SLC41A2: variants seen among roughly 807,000 people sequenced by gnomAD.
The protein encoded by SLC41A2 is solute carrier family 41 member 2.
SLC41A2 carries 32 observed loss-of-function variants against 58.3 expected under a neutral mutation model. The ratio of observed to expected loss-of-function variants is 0.55; its 90% CI spans 0.41 to 0.74. The LOEUF (loss-of-function observed/expected upper bound fraction) is 0.74, where lower values mean the gene tolerates loss of function less well. Among genes scored for constraint, SLC41A2 ranks in the 30% least tolerant of loss-of-function variants. The probability of loss-of-function intolerance (pLI) is 0.00; values close to 1 mark genes in which losing one functional copy is unlikely to be tolerated. For missense variants in SLC41A2, 514 were observed against 680.6 expected (o/e 0.76, Z 2.72); for synonymous variants, 190 against 235.0 (o/e 0.81, Z 1.75).
chr12:104,946,306 C>G (rs1003908880), intron 1 of SLC41A2, among the ~76,000 whole-genome samples: 5 of 152,104 alleles, frequency 3.3e-5, no homozygotes, highest in African/African-American at 1.2e-4. Context: ...ACTCTATTGC[C>G]CAGGAGGAAC....
intron 9 of SLC41A2, 62 bp from the exon 10 acceptor site, chr12:104,844,682 A>G: frequency 1.1e-6 from 1 of 878,788 alleles, no homozygotes; most frequent in Non-Finnish European, 1.6e-6. Context: ...AATAGGTCAT[A>G]GTTATTAAAA....
intron 1 of SLC41A2, among the ~76,000 whole-genome samples, chr12:104,942,596 A>G (rs2047555541): frequency 6.6e-6 from 1 of 152,194 alleles, no homozygotes; most frequent in East Asian, 1.9e-4. Flanking sequence ...TTATTTAGAA[A>G]TTACAGCTAT....
intron 1 of SLC41A2, among the ~76,000 whole-genome samples, chr12:104,936,549 C>T (rs1227743526): frequency 3.3e-5 from 5 of 152,160 alleles, no homozygotes; most frequent in Non-Finnish European, 5.9e-5. Flanking sequence ...TCACATCTTA[C>T]GTAGATGGTG....
intron 10 of SLC41A2, among the ~76,000 whole-genome samples, chr12:104,835,266 C>T (rs891646908): frequency 6.6e-6 from 1 of 152,190 alleles, no homozygotes; most frequent in African/African-American, 2.4e-5. Flanking sequence ...AATTATCTCA[C>T]ACTGCATCAG....
chr12:104,942,105 T>TC (rs2047532302), intron 1 of SLC41A2, among the ~76,000 whole-genome samples: 1 of 152,130 alleles, frequency 6.6e-6, no homozygotes, highest in South Asian at 2.1e-4. Flanking sequence ...GGTATATTTA[T>TC]TCCCCCTACT....
rs1223967335 is a variant in SLC41A2 at position 104,802,651 on chromosome 12, C to A, written c.*2501G>T. ...AGATTTTACAAATTAAGGCATTGTT[C>A]TTTATTTCAAAATTTTCATTTACCT... On this transcript the variant is annotated 3_prime_UTR_variant, in exon 11 of 11. Coordinates refer to ENST00000258538, the MANE Select transcript of SLC41A2 (RefSeq NM_001352171.3). The A allele has an allele frequency of 6.6e-6, 1 of 152,034 alleles. No individual in the cohort carries two copies. The highest frequency in any genetic ancestry group is 1.5e-5 in the Non-Finnish European group (1 of 67,978). 9.4% of individuals were successfully genotyped at this position (152,034 alleles called of 1,614,324 possible). A position where few individuals can be genotyped will look rare whatever the true frequency, so the allele number is the denominator to read the frequency against.
chr12:104,857,940 T>C (rs1235322243), intron 8 of SLC41A2, among the ~76,000 whole-genome samples: 1 of 151,976 alleles, frequency 6.6e-6, no homozygotes, highest in Non-Finnish European at 1.5e-5. Context: ...ATATGGCGCA[T>C]GTATACATAT....
At chr12:104,818,303 AAG>A (rs1318124567) in intron 10 of SLC41A2, among the ~76,000 whole-genome samples, 1 of 152,186 alleles carries the variant, frequency 6.6e-6, no homozygotes, top group Non-Finnish European at 1.5e-5. Flanking sequence ...TTTAAAGAAA[AAG>A]AAGAAATGAA....
Position 104,803,809 on chromosome 12 carries a change from T to C in SLC41A2, c.*1343A>G, listed in dbSNP as rs2136172151. On this transcript the variant is annotated 3_prime_UTR_variant, in exon 11 of 11. Coordinates refer to ENST00000258538, the MANE Select transcript of SLC41A2 (RefSeq NM_001352171.3). Reference sequence around the variant, plus strand: ...AAATAAGCCTGTACAAATGGATATGTTTAAGCATGAACAATAATTGAGGTA... The same window carrying C: ...AAATAAGCCTGTACAAATGGATATGCTTAAGCATGAACAATAATTGAGGTA... 6.6e-6 allele frequency: 1 copy of C among 152,254 alleles called. No homozygotes were observed. The highest frequency in any genetic ancestry group is 2.4e-5 in the African/African-American group (1 of 41,566). 9.4% of individuals were successfully genotyped at this position (152,254 alleles called of 1,614,324 possible). A position where few individuals can be genotyped will look rare whatever the true frequency, so the allele number is the denominator to read the frequency against.
At chr12:104,861,790 T>G (rs924132206) in intron 7 of SLC41A2, among the ~76,000 whole-genome samples, 4 of 152,178 alleles carry the variant, frequency 2.6e-5, no homozygotes, top group African/African-American at 9.7e-5. Flanking sequence ...TAAAAAATAA[T>G]TTAAAAAAGA....
intron 2 of SLC41A2, among the ~76,000 whole-genome samples, chr12:104,921,279 A>G (rs1041214321): frequency 6.6e-6 from 1 of 152,130 alleles, no homozygotes; most frequent in African/African-American, 2.4e-5. Flanking sequence ...CAGATACAAT[A>G]AGGTCAGAGA....
At chr12:104,957,111 A>G (rs2136004781) in intron 1 of SLC41A2, among the ~76,000 whole-genome samples, 1 of 152,346 alleles carries the variant, frequency 6.6e-6, no homozygotes, top group Admixed American at 6.5e-5. Flanking sequence ...ATTACACACA[A>G]TGGCCAAAAA....
intron 3 of SLC41A2, 146 bp downstream of exon 3, chr12:104,909,509 G>T (rs1482865996): frequency 1.7e-6 from 1 of 574,632 alleles, no homozygotes. Context: ...CAATATTTCA[G>T]AATATGATAT....
intron 2 of SLC41A2, among the ~76,000 whole-genome samples, chr12:104,926,526 T>G (rs2046846728): frequency 6.6e-6 from 1 of 151,696 alleles, no homozygotes; most frequent in South Asian, 2.1e-4. Flanking sequence ...AGGTGGAGAT[T>G]GCAGTGAGCC....
In SLC41A2 at chr12:104,866,108, T is replaced by C. The variant is rs529756477; in HGVS notation, c.1175+324A>G. 2.0e-5 allele frequency among the ~76,000 whole-genome samples: 3 copies of C among 152,196 alleles called. No individual in the cohort carries two copies. In the East Asian group the frequency reaches 5.8e-4, roughly 29 times the overall value. On this transcript the variant is annotated intron_variant, in intron 7 of 10. Transcript: ENST00000258538. The stretch of plus-strand genomic sequence containing the variant: ...AAGTAATGTCCTTGTCAGGTTAACA[T>C]ACACATACACACACAAAGACAAACA...
At chr12:104,838,098 T>A (rs959007544) in intron 10 of SLC41A2, among the ~76,000 whole-genome samples, 1 of 152,212 alleles carries the variant, frequency 6.6e-6, no homozygotes, top group Admixed American at 6.5e-5. Context: ...GTAGTTAAGA[T>A]AATAACACTG....
intron 1 of SLC41A2, among the ~76,000 whole-genome samples, chr12:104,940,242 C>T (rs2047451060): frequency 6.6e-6 from 1 of 151,848 alleles, no homozygotes; most frequent in South Asian, 2.1e-4. Flanking sequence ...GAACTCCCGA[C>T]CCCAGGTGAT....
At chr12:104,892,328 A>AAAAAAAAAAC (rs1272873332) in intron 4 of SLC41A2, among the ~76,000 whole-genome samples, 19 of 126,910 alleles carry the variant, frequency 1.5e-4, no homozygotes, top group East Asian at 3.4e-4. Context: ...AAATAAAATA[A>AAAAAAAAAAC]AATAAAATAT....
chr12:104,947,089 C>T (rs2047745396), intron 1 of SLC41A2, among the ~76,000 whole-genome samples: 2 of 151,908 alleles, frequency 1.3e-5, no homozygotes, highest in African/African-American at 4.8e-5. Flanking sequence ...AGGCTCAAAA[C>T]CTAACTTCCC....
Sources: gnomAD v4.1 joint callset for allele counts (sites outside exome capture counted in the v4.1 genomes callset) on GRCh38, gnomAD v4.1.1 for gene constraint, MANE v1.5 for transcripts, NCBI Gene and HGNC (gene_info 2026-07-23, HGNC 2026-07-21) for gene names.